The following CFI variants were observed in gnomAD, a reference collection of about 807,000 sequenced individuals.
CFI encodes the protein complement factor I, also known as C3B/C4B inactivator.
CFI carries 66 observed loss-of-function variants against 78.8 expected under a neutral mutation model. That is an observed-to-expected ratio of 0.84 (90% CI 0.69 to 1.03). CFI has a LOEUF of 1.03. Among genes scored for constraint, CFI ranks in the 50% least tolerant of loss-of-function variants. CFI has a pLI of 0.00. For synonymous variants in CFI, 250 were observed against 232.6 expected (o/e 1.07, Z -0.68); for missense variants, 706 against 704.5 (o/e 1.00, Z -0.02).
chr4:109,752,021 C>A (rs906717259), intron 8 of CFI, among the ~76,000 whole-genome samples: 4 of 152,152 alleles, frequency 2.6e-5, no homozygotes, highest in Non-Finnish European at 4.4e-5. Context: ...TTTTAGCGCA[C>A]AACTGGCCAA....
intron 1 of CFI, among the ~76,000 whole-genome samples, chr4:109,791,428 A>AC (rs1731366457): frequency 6.6e-6 from 1 of 151,992 alleles, no homozygotes; most frequent in Admixed American, 6.6e-5. Context: ...TTTGCTGTGC[A>AC]GAAGCTCTTT....
At chr4:109,731,035 C>T in the CFI span, among the ~76,000 whole-genome samples, 2 of 152,070 alleles carry the variant, frequency 1.3e-5, no homozygotes, top group Admixed American at 1.3e-4. Flanking sequence ...AAGAATTTTA[C>T]AGTAAGATCC....
chr4:109,746,526 TA>T (rs1724481713), intron 10 of CFI, 24 bp from the exon 11 acceptor site: 8 of 1,531,558 alleles, frequency 5.2e-6, no homozygotes, highest in Non-Finnish European at 7.1e-6. Flanking sequence ...AAAAAGGAAA[TA>T]AAATATATTG....
the CFI span, among the ~76,000 whole-genome samples, chr4:109,733,605 T>C: frequency 2.6e-5 from 4 of 152,154 alleles, no homozygotes; most frequent in Non-Finnish European, 5.9e-5. Context: ...AGATGTAACT[T>C]GATGGTAGAG....
chr4:109,801,899 A>G lies in CFI; in HGVS notation c.57+16T>C. 6.4e-7 allele frequency: 1 copy of G among 1,555,254 alleles called. No homozygotes were observed. Among genetic ancestry groups the G allele is most frequent in the Non-Finnish European group, 8.9e-7 (1 of 1,128,512 alleles). ...TTATCAATTAAAATTGTTTGCATAA[A>G]GGTTGAATTACTTACCTTGCAAAAC... On this transcript the variant is annotated intron_variant, in intron 1 of 12. Coordinates refer to ENST00000394634, the MANE Select transcript of CFI (RefSeq NM_000204.5).
In CFI at chr4:109,748,575, A is replaced by G. The variant is rs563947730; in HGVS notation, c.1148+643T>C. On this transcript the variant is annotated intron_variant, in intron 10 of 12. Coordinates refer to ENST00000394634, the MANE Select transcript of CFI (RefSeq NM_000204.5). The stretch of plus-strand genomic sequence containing the variant: ...GAACAAAGGGTACGACTAAGTAGGG[A>G]AAAGGGTAAGGAAGATCATTTCTGG... 2.5e-3 allele frequency among the ~76,000 whole-genome samples: 380 copies of G among 152,294 alleles called. 3 individuals carry two copies. Among genetic ancestry groups the G allele is most frequent in the African/African-American group, 8.4e-3 (350 of 41,562 alleles).
chr4:109,786,809 C>T (rs1401537454), intron 1 of CFI, among the ~76,000 whole-genome samples: 3 of 152,118 alleles, frequency 2.0e-5, no homozygotes, highest in Admixed American at 1.3e-4. Flanking sequence ...CACAAATAAA[C>T]ATTGAAGATC....
At chr4:109,777,901 G>T (rs1223746663) in intron 1 of CFI, among the ~76,000 whole-genome samples, 1 of 152,116 alleles carries the variant, frequency 6.6e-6, no homozygotes, top group East Asian at 1.9e-4. Context: ...ATAACGAAAT[G>T]AAGGCAGAAA....
chr4:109,750,030 T>G (rs1724954322), intron 8 of CFI, among the ~76,000 whole-genome samples: 1 of 152,054 alleles, frequency 6.6e-6, no homozygotes, highest in Admixed American at 6.6e-5. Context: ...GGAGTCTCAG[T>G]CTTGTGCCCA....
downstream of CFI, among the ~76,000 whole-genome samples, chr4:109,737,074 G>A (rs913848444): frequency 6.6e-6 from 1 of 152,032 alleles, no homozygotes; most frequent in Non-Finnish European, 1.5e-5. Flanking sequence ...CCCTGCTTTA[G>A]TTTCTACCTT....
Position 109,749,620 on chromosome 4 carries a change from A to G in CFI, c.941-18T>C, listed in dbSNP as rs1724900757. On this transcript the variant is annotated intron_variant, in intron 8 of 12. Transcript: ENST00000394634. ...TCTTCTTTCTTCAAGAAAGGAAGAG[A>G]TTACATCATTATTATCTTGAACCCA... 2 of 1,465,178 alleles carry G rather than the reference A, an allele frequency of 1.4e-6. No individual in the cohort carries two copies. The highest frequency in any genetic ancestry group is 2.3e-5 in the East Asian group (1 of 44,176). The allele number at this position is 1,465,178 out of a possible 1,614,324, so 90.8% of individuals were successfully genotyped here.
Position 109,742,561 on chromosome 4 carries a change from T to C in CFI, c.1464A>G (p.Glu488=), listed in dbSNP as rs2126180592. 3.1e-6 allele frequency: 5 copies of C among 1,613,316 alleles called. No homozygotes were observed. Among genetic ancestry groups the C allele is most frequent in the Non-Finnish European group, 4.2e-6 (5 of 1,179,284 alleles). The change falls in exon 12 of 13, where the codon GAA becomes GAG. Residue 488 remains glutamate, a synonymous_variant. Transcript: ENST00000394634. ...NERVFSLQWG[E]VKLISNCSKF... ...TAGAGCAGTTGCTTATTAGTTTAAC[T>C]TCACCCCACTGAAGTGAAAAGACTC... is the stretch of plus-strand genomic sequence containing the variant.
At position 109,746,234 on chromosome 4, in the gene CFI, C is replaced by T. The variant is rs769899112; in HGVS notation, c.1417G>A (p.Gly473Arg). ...PNDTCIVSGWGREKDNERVFS... is the reference protein window; with the variant it reads ...PNDTCIVSGWRREKDNERVFS... ...GTAAAACATATACCTTTTTCTCGTC[C>T]CCAGCCAGAAACGATGCATGTATCA... Residue 473 changes from glycine (G) to arginine (R), a missense_variant, in exon 11 of 13, where the codon GGA (glycine) becomes AGA (arginine). By Grantham distance (125) the Gly-to-Arg change is moderately radical. Transcript: ENST00000394634. 6.2e-7 allele frequency: 1 copy of T among 1,614,058 alleles called. No individual in the cohort carries two copies. Among genetic ancestry groups the T allele is most frequent in the East Asian group, 2.2e-5 (1 of 44,880 alleles).
At chr4:109,792,906 C>T (rs1731563153) in intron 1 of CFI, among the ~76,000 whole-genome samples, 1 of 152,150 alleles carries the variant, frequency 6.6e-6, no homozygotes, top group Non-Finnish European at 1.5e-5. Context: ...TTTTAAAAAA[C>T]TGATTCTGCC....
chr4:109,752,544 T>G (rs1725272387), intron 7 of CFI, 41 bp from the exon 8 acceptor site: 1 of 1,529,708 alleles, frequency 6.5e-7, no homozygotes, highest in Non-Finnish European at 9.1e-7. Context: ...AAGTTGTTAA[T>G]TATAGTCAAA....
intron 1 of CFI, among the ~76,000 whole-genome samples, chr4:109,771,372 C>T (rs1427147432): frequency 6.7e-6 from 1 of 150,216 alleles, no homozygotes; most frequent in Non-Finnish European, 1.5e-5. Flanking sequence ...TTCTGGCCAA[C>T]ATGATGAAAC....
At chr4:109,733,943 G>T in the CFI span, among the ~76,000 whole-genome samples, 1 of 152,266 alleles carries the variant, frequency 6.6e-6, no homozygotes, top group African/African-American at 2.4e-5. Flanking sequence ...ATCAAGGCTG[G>T]CAGATCGCCT....
Position 109,761,527 on chromosome 4 carries a change from T to G in CFI, c.648A>C (p.Thr216=), listed in dbSNP as rs1415786718. The part of the protein sequence containing the change: ...YQDFADVVCY[T]QKADSPMDDF... ...AAATACTCCACCAACCTGCTTTCTG[T>G]GTATAACAAACCACATCAGCGAAAT... is the stretch of plus-strand genomic sequence containing the variant. The change falls in exon 4 of 13, where the codon ACA becomes ACC. Residue 216 remains threonine (T), a synonymous_variant. Coordinates refer to ENST00000394634, the MANE Select transcript of CFI (RefSeq NM_000204.5). 11 of 1,614,044 alleles carry G rather than the reference T, an allele frequency of 6.8e-6. No individual in the cohort carries two copies. The highest frequency in any genetic ancestry group is 9.3e-6 in the Non-Finnish European group (11 of 1,180,028).
intron 1 of CFI, among the ~76,000 whole-genome samples, chr4:109,779,636 T>C: frequency 6.6e-6 from 1 of 152,114 alleles, no homozygotes; most frequent in Admixed American, 6.6e-5. Flanking sequence ...AAAACTACTT[T>C]AAAGTTCATA....
Sources: gnomAD v4.1 joint callset for allele counts (sites outside exome capture counted in the v4.1 genomes callset) on GRCh38, gnomAD v4.1.1 for gene constraint, MANE v1.5 for transcripts, NCBI Gene and HGNC (gene_info 2026-07-23, HGNC 2026-07-21) for gene names.